METTL15: variants seen among roughly 807,000 people sequenced by gnomAD.
METTL15 encodes 12S rRNA N(4)-cytidine methyltransferase METTL15.
In METTL15, 34 loss-of-function variants were observed where a neutral mutation model predicts 38.3. The observed-to-expected ratio is 0.89, with a 90% CI of 0.68 to 1.18. The LOEUF (loss-of-function observed/expected upper bound fraction) is 1.18. Ranked by LOEUF, METTL15 falls within the 50% of genes most tolerant of loss-of-function variation. The pLI is 0.00. For synonymous variants in METTL15, 162 were observed against 170.9 expected (o/e 0.95, Z 0.41); for missense variants, 438 against 498.4 (o/e 0.88, Z 1.15).
At chr11:28,165,811 T>C (rs1850639107) in intron 3 of METTL15, among the ~76,000 whole-genome samples, 1 of 152,138 alleles carries the variant, frequency 6.6e-6, no homozygotes, top group South Asian at 2.1e-4. Flanking sequence ...AGTCTTCAGC[T>C]TGTGACTTGA....
At chr11:28,396,891 A>G (rs778231927) in intron 5 of METTL15, among the ~76,000 whole-genome samples, 3 of 152,326 alleles carry the variant, frequency 2.0e-5, no homozygotes, top group Non-Finnish European at 1.5e-5. Flanking sequence ...ACAACAACAG[A>G]GAAATAGACC....
intron 3 of METTL15, among the ~76,000 whole-genome samples, chr11:28,161,818 T>A (rs1850477174): frequency 6.6e-6 from 1 of 152,148 alleles, no homozygotes; most frequent in Non-Finnish European, 1.5e-5. Flanking sequence ...GGCAAGGCAC[T>A]GTTGATGGAA....
chr11:28,393,414 T>C (rs1276837311), intron 5 of METTL15, among the ~76,000 whole-genome samples: 1 of 152,162 alleles, frequency 6.6e-6, no homozygotes, highest in Non-Finnish European at 1.5e-5. Context: ...TCATTTATTA[T>C]TGTTCACGGT....
chr11:28,163,190 A>G, intron 3 of METTL15: 1 of 393,336 alleles, frequency 2.5e-6, no homozygotes, highest in Non-Finnish European at 4.5e-6. Context: ...GTCAAGAAGA[A>G]GCAACTCATT....
downstream of METTL15, among the ~76,000 whole-genome samples, chr11:28,334,979 T>C (rs928677863): frequency 6.6e-6 from 1 of 152,172 alleles, no homozygotes; most frequent in African/African-American, 2.4e-5. Context: ...TTTGGTAATG[T>C]TACTTTAAAT....
In METTL15 at chr11:28,340,771, C is replaced by G. The variant is rs952133393; in HGVS notation, c.*190-11319C>G. Among the ~76,000 whole-genome samples, 13 of 152,232 alleles carry G rather than the reference C, an allele frequency of 8.5e-5. No homozygotes were observed. The South Asian group carries it at 1.2e-3, about 15-fold the overall frequency. On this transcript the variant is annotated intron_variant and NMD_transcript_variant, in intron 3 of 7. Coordinates refer to the METTL15 transcript ENST00000532947. Reference sequence around the variant, plus strand: ...TGTGGAAGACAGTGTTGCGATTCCCCAAGGATCTAGAACCAGAAATACCAT... The same window carrying G: ...TGTGGAAGACAGTGTTGCGATTCCCGAAGGATCTAGAACCAGAAATACCAT...
chr11:28,225,841 A>G (rs925065011), intron 4 of METTL15, among the ~76,000 whole-genome samples: 9 of 151,664 alleles, frequency 5.9e-5, no homozygotes, highest in Non-Finnish European at 1.3e-4. Context: ...TTAGATGTGT[A>G]TTATCTGTCC....
intron 3 of METTL15, among the ~76,000 whole-genome samples, chr11:28,174,246 A>G (rs1326946730): frequency 6.6e-6 from 1 of 152,002 alleles, no homozygotes; most frequent in African/African-American, 2.4e-5. Flanking sequence ...ATGGATATTT[A>G]TTTATACTTA....
At chr11:28,137,804 A>C (rs1849564037) in intron 3 of METTL15, among the ~76,000 whole-genome samples, 1 of 151,818 alleles carries the variant, frequency 6.6e-6, no homozygotes, top group Admixed American at 6.6e-5. Context: ...TTTTTTTCAA[A>C]AAATATTGGA....
At chr11:28,373,947 G>T (rs868310660) in intron 5 of METTL15, among the ~76,000 whole-genome samples, 1 of 151,946 alleles carries the variant, frequency 6.6e-6, no homozygotes, top group East Asian at 1.9e-4. Flanking sequence ...GCTTGTTTTT[G>T]TCAGGTTTGT....
chr11:28,325,662 G>C (rs1271064070), intron 6 of METTL15, among the ~76,000 whole-genome samples: 4 of 152,096 alleles, frequency 2.6e-5, no homozygotes, highest in Non-Finnish European at 5.9e-5. Flanking sequence ...CTTTTCAAAA[G>C]TAGTGATTCC....
intron 6 of METTL15, among the ~76,000 whole-genome samples, chr11:28,486,522 C>T (rs1261521835): frequency 6.6e-6 from 1 of 151,998 alleles, no homozygotes; most frequent in African/African-American, 2.4e-5. Context: ...GCCAATGAGA[C>T]TGAGCCTTTC....
intron 3 of METTL15, chr11:28,123,821 G>A (rs1184517174): frequency 1.3e-5 from 18 of 1,363,266 alleles, no homozygotes; most frequent in African/African-American, 2.9e-5. Context: ...AGATAAAACT[G>A]AAATCTTTCT....
At chr11:28,378,855 C>G (rs1850351671) in intron 5 of METTL15, among the ~76,000 whole-genome samples, 1 of 146,816 alleles carries the variant, frequency 6.8e-6, no homozygotes, top group African/African-American at 2.5e-5. Flanking sequence ...AGGTCCTGGG[C>G]TTTTCTTTAA....
At chr11:28,310,917 G>GC (rs1565244277) in intron 6 of METTL15, among the ~76,000 whole-genome samples, 7,331 of 53,016 alleles carry the variant, frequency 0.14, 540 homozygotes, top group East Asian at 0.2. Context: ...GCTGCTGCTG[G>GC]TGGTGGTGGT....
chr11:28,469,143 C>T (rs1383387874), intron 6 of METTL15, among the ~76,000 whole-genome samples: 1 of 152,052 alleles, frequency 6.6e-6, no homozygotes, highest in Non-Finnish European at 1.5e-5. Flanking sequence ...AACTTTTGGG[C>T]AATAATATTT....
intron 6 of METTL15, among the ~76,000 whole-genome samples, chr11:28,447,956 A>G (rs912671370): frequency 6.6e-6 from 1 of 152,128 alleles, no homozygotes; most frequent in Non-Finnish European, 1.5e-5. Context: ...AGTATAGTGA[A>G]TCTTGGAATT....
At chr11:28,154,079 GTAACTCAT>G (rs1158945685) in intron 3 of METTL15, among the ~76,000 whole-genome samples, 1 of 152,038 alleles carries the variant, frequency 6.6e-6, no homozygotes, top group African/African-American at 2.4e-5. Flanking sequence ...TCTTTCATGT[GTAACTCAT>G]AAGTGCAAAG....
chr11:28,492,910 G>A (rs1851508226), intron 6 of METTL15, among the ~76,000 whole-genome samples: 1 of 152,032 alleles, frequency 6.6e-6, no homozygotes, highest in Admixed American at 6.6e-5. Flanking sequence ...GAGTAGCTCA[G>A]GCATACATAG....
Sources: gnomAD v4.1 joint callset for allele counts (sites outside exome capture counted in the v4.1 genomes callset) on GRCh38, gnomAD v4.1.1 for gene constraint, MANE v1.5 for transcripts, NCBI Gene and HGNC (gene_info 2026-07-23, HGNC 2026-07-21) for gene names.